The following PTPRD variants were observed in gnomAD, a reference collection of about 807,000 sequenced individuals.
PTPRD encodes the protein receptor-type tyrosine-protein phosphatase delta.
In PTPRD, 34 loss-of-function variants were observed where a neutral mutation model predicts 214.5. The observed-to-expected ratio is 0.16, with a 90% confidence interval of 0.12 to 0.21. PTPRD has a LOEUF of 0.21. PTPRD is among the 10% of genes least tolerant of loss of function. The pLI, the probability that PTPRD is intolerant of heterozygous loss-of-function variation, is 1.00. For missense variants in PTPRD, 2,545 were observed against 2,398.7 expected (o/e 1.06, Z -1.27); for synonymous variants, 1,128 against 845.7 (o/e 1.33, Z -5.79).
chr9:8,723,192 C>CT (rs905990135), intron 12 of PTPRD, among the ~76,000 whole-genome samples: 1 of 152,058 alleles, frequency 6.6e-6, no homozygotes, highest in African/African-American at 2.4e-5. Flanking sequence ...AGGCTCCCTC[C>CT]TTGCACTAAG....
chr9:9,127,120 CCA>C (rs1406615339), intron 10 of PTPRD, among the ~76,000 whole-genome samples: 1 of 150,800 alleles, frequency 6.6e-6, no homozygotes, highest in African/African-American at 2.4e-5. Context: ...ACACAGGTAC[CCA>C]CACACACACT....
intron 11 of PTPRD, among the ~76,000 whole-genome samples, chr9:8,991,173 G>A (rs867687372): frequency 8.6e-5 from 13 of 150,624 alleles, no homozygotes; most frequent in Middle Eastern, 3.4e-3. Flanking sequence ...GAGCTGAGAT[G>A]GCGCCATTGC....
intron 11 of PTPRD, among the ~76,000 whole-genome samples, chr9:8,851,632 T>A (rs2097816775): frequency 6.6e-6 from 1 of 152,208 alleles, no homozygotes; most frequent in African/African-American, 2.4e-5. Flanking sequence ...TGTTCTTGAA[T>A]ATGGTATGTT....
intron 9 of PTPRD, among the ~76,000 whole-genome samples, chr9:9,346,284 A>G (rs1434055296): frequency 1.3e-5 from 2 of 152,194 alleles, no homozygotes; most frequent in African/African-American, 4.8e-5. Flanking sequence ...TACAGCAAAC[A>G]CAAGTTTACA....
intron 11 of PTPRD, among the ~76,000 whole-genome samples, chr9:8,784,109 T>C (rs568264586): frequency 2.7e-3 from 406 of 152,278 alleles, no homozygotes; most frequent in African/African-American, 9.2e-3. Flanking sequence ...TCCTCTCACA[T>C]TACAGTATTT....
intron 9 of PTPRD, among the ~76,000 whole-genome samples, chr9:9,395,075 C>T (rs548596538): frequency 6.6e-6 from 1 of 151,864 alleles, no homozygotes; most frequent in African/African-American, 2.4e-5. Flanking sequence ...ATGTCTCCAC[C>T]ATGTGCCATT....
At chr9:10,368,212 G>C (rs1378973134) in intron 2 of PTPRD, among the ~76,000 whole-genome samples, 2 of 152,006 alleles carry the variant, frequency 1.3e-5, no homozygotes, top group African/African-American at 4.8e-5. Flanking sequence ...GTTTTCAGTA[G>C]TGTATGTTAC....
chr9:9,105,643 C>G (rs1362892691), intron 10 of PTPRD, among the ~76,000 whole-genome samples: 1 of 152,104 alleles, frequency 6.6e-6, no homozygotes, highest in African/African-American at 2.4e-5. Flanking sequence ...ATCAGAATTT[C>G]CCATGGCACA....
At chr9:10,131,271 G>A (rs547145088) in intron 3 of PTPRD, among the ~76,000 whole-genome samples, 1 of 152,200 alleles carries the variant, frequency 6.6e-6, no homozygotes, top group African/African-American at 2.4e-5. Context: ...GCATCTCTAA[G>A]TTCTGTCCCT....
At chr9:9,956,981 G>A (rs1246407851) in intron 4 of PTPRD, among the ~76,000 whole-genome samples, 1 of 152,034 alleles carries the variant, frequency 6.6e-6, no homozygotes, top group Non-Finnish European at 1.5e-5. Flanking sequence ...ACTAGCTAAG[G>A]GTCAGAACCT....
chr9:9,472,227 T>C (rs899746528), intron 8 of PTPRD, among the ~76,000 whole-genome samples: 2 of 139,426 alleles, frequency 1.4e-5, no homozygotes, highest in African/African-American at 2.7e-5. Flanking sequence ...GACGGAGTCT[T>C]GCTCTGTCGC....
At chr9:9,577,353 T>C (rs1353979853) in intron 7 of PTPRD, among the ~76,000 whole-genome samples, 1 of 152,000 alleles carries the variant, frequency 6.6e-6, no homozygotes, top group Non-Finnish European at 1.5e-5. Context: ...TGCTTGAGCC[T>C]AAGAGTTTGA....
rs1172696518 is a variant in PTPRD, at chr9:8,701,160, C to CA, written c.64+32619dup. On this transcript the variant is annotated intron_variant, in intron 12 of 45. Transcript: ENST00000381196. ...TGGACGACAAAGCAAGACTCCATCT[C>CA]AAAAAAAAGAAAGTTAAATTTTTAT... Among the ~76,000 whole-genome samples, 8 of 150,078 alleles carry CA rather than the reference C, an allele frequency of 5.3e-5. No homozygotes were observed. The East Asian group carries it at 5.9e-4, about 11-fold the overall frequency.
chr9:8,694,559 T>C (rs557731604), intron 12 of PTPRD, among the ~76,000 whole-genome samples: 4 of 152,216 alleles, frequency 2.6e-5, no homozygotes, highest in Admixed American at 6.5e-5. Context: ...CAGCAGAAGA[T>C]AAAAATGACA....
intron 11 of PTPRD, among the ~76,000 whole-genome samples, chr9:8,868,852 G>C (rs2098245236): frequency 6.6e-6 from 1 of 152,146 alleles, no homozygotes; most frequent in Non-Finnish European, 1.5e-5. Context: ...TCCACTGTGT[G>C]TGAGGTATGT....
intron 2 of PTPRD, among the ~76,000 whole-genome samples, chr9:10,346,214 T>C (rs959102829): frequency 5.3e-5 from 8 of 152,188 alleles, no homozygotes; most frequent in African/African-American, 1.9e-4. Context: ...GCAAAACATA[T>C]TCCCTAGCTC....
intron 11 of PTPRD, among the ~76,000 whole-genome samples, chr9:8,824,070 C>T (rs972681734): frequency 2.0e-5 from 3 of 152,144 alleles, no homozygotes; most frequent in Admixed American, 2.0e-4. Flanking sequence ...TCACTCTTGT[C>T]GCCACTTTGG....
intron 4 of PTPRD, among the ~76,000 whole-genome samples, chr9:9,954,324 AGATCATTGTCCTATAAAC>A (rs2093721116): frequency 1.3e-5 from 2 of 148,474 alleles, no homozygotes; most frequent in African/African-American, 5.0e-5. Flanking sequence ...AAAAAAAAAA[AGATCATTGTCCTATAAAC>A]AGTATTACTA....
rs185454480 is a variant in PTPRD, at chr9:9,413,769, T to C, written c.-236-16287A>G. On this transcript the variant is annotated intron_variant, in intron 8 of 45. Coordinates refer to ENST00000381196, the MANE Select transcript of PTPRD (RefSeq NM_002839.4). ...AGCACAGGAGAGGGATATCTGTCTC[T>C]GAGGATTGTTAAGATAAAATTAGAT... 1.1e-3 allele frequency among the ~76,000 whole-genome samples: 169 copies of C among 152,334 alleles called. 1 individual carries two copies. The highest frequency in any genetic ancestry group is 3.9e-3 in the African/African-American group (161 of 41,592).
Sources: gnomAD v4.1 joint callset for allele counts (sites outside exome capture counted in the v4.1 genomes callset) on GRCh38, gnomAD v4.1.1 for gene constraint, MANE v1.5 for transcripts, NCBI Gene and HGNC (gene_info 2026-07-23, HGNC 2026-07-21) for gene names.